The following CWC27 variants were observed in gnomAD, a reference collection of about 807,000 sequenced individuals.
The protein encoded by CWC27 is spliceosome-associated protein CWC27 homolog.
CWC27 carries 47 observed loss-of-function variants against 63.6 expected under a neutral mutation model. The observed-to-expected ratio is 0.74, with a 90% confidence interval of 0.58 to 0.94. The LOEUF is 0.94. Ranked by LOEUF, CWC27 falls within the 40% of genes least tolerant of loss-of-function variation. The pLI is 0.00. For missense variants in CWC27, 495 were observed against 554.3 expected (o/e 0.89, Z 1.07); for synonymous variants, 175 against 179.8 (o/e 0.97, Z 0.22).
intron 10 of CWC27, chr5:64,884,182 G>C (rs2112341585): frequency 6.6e-6 from 1 of 152,262 alleles, no homozygotes; most frequent in Non-Finnish European, 1.5e-5. Context: ...ATTAGGGCTA[G>C]AATGGGGCTG....
intron 10 of CWC27, among the ~76,000 whole-genome samples, chr5:64,849,662 G>A (rs189788552): frequency 7.1e-4 from 107 of 151,640 alleles, no homozygotes; most frequent in African/African-American, 2.4e-3. Flanking sequence ...CCCAAATCTC[G>A]TCTCAAATTG....
intron 10 of CWC27, among the ~76,000 whole-genome samples, chr5:64,840,389 AAAAAAAT>A (rs1745790076): frequency 2.2e-5 from 1 of 44,986 alleles, no homozygotes; most frequent in Non-Finnish European, 4.2e-5. Context: ...AAAAAAAAAA[AAAAAAAT>A]ATATATATAT....
intron 10 of CWC27, among the ~76,000 whole-genome samples, chr5:64,812,064 C>T (rs1744892814): frequency 6.6e-6 from 1 of 151,998 alleles, no homozygotes; most frequent in African/African-American, 2.4e-5. Context: ...TCTTACTGTA[C>T]TTTGTGTCTG....
chr5:64,852,144 T>G (rs990650196), intron 10 of CWC27, among the ~76,000 whole-genome samples: 5 of 152,168 alleles, frequency 3.3e-5, no homozygotes, highest in African/African-American at 1.2e-4. Flanking sequence ...GAGGGAAACA[T>G]AAGTAACTGG....
intron 10 of CWC27, among the ~76,000 whole-genome samples, chr5:64,833,045 A>G (rs1419787854): frequency 6.6e-6 from 1 of 151,854 alleles, no homozygotes; most frequent in African/African-American, 2.4e-5. Context: ...TGAACTTATA[A>G]TAGTATTACA....
At chr5:64,854,102 CT>C (rs1746199007) in intron 10 of CWC27, among the ~76,000 whole-genome samples, 1 of 152,154 alleles carries the variant, frequency 6.6e-6, no homozygotes, top group Non-Finnish European at 1.5e-5. Flanking sequence ...TTAGCGTAAT[CT>C]TCTCAAAGTT....
intron 11 of CWC27, among the ~76,000 whole-genome samples, chr5:64,928,568 C>T (rs973228633): frequency 6.7e-6 from 1 of 150,208 alleles, no homozygotes; most frequent in Non-Finnish European, 1.5e-5. Flanking sequence ...AAGCCAAGTG[C>T]ACAACAAAGT....
chr5:64,934,936 T>A (rs969975367), intron 11 of CWC27, among the ~76,000 whole-genome samples: 7 of 152,348 alleles, frequency 4.6e-5, no homozygotes, highest in East Asian at 3.9e-4. Flanking sequence ...CTTTTCCCAC[T>A]TTTTGATGAG....
At chr5:64,909,022 C>T (rs1023996114) in intron 11 of CWC27, among the ~76,000 whole-genome samples, 8 of 152,050 alleles carry the variant, frequency 5.3e-5, no homozygotes, top group East Asian at 1.9e-4. Flanking sequence ...TGGCTGGTAC[C>T]GGTTGTTCCT....
At chr5:64,916,780 T>G (rs1422904878) in intron 11 of CWC27, among the ~76,000 whole-genome samples, 1 of 152,182 alleles carries the variant, frequency 6.6e-6, no homozygotes, top group Non-Finnish European at 1.5e-5. Context: ...AGCCTCACTT[T>G]CTTCATCTGT....
intron 7 of CWC27, among the ~76,000 whole-genome samples, chr5:64,797,291 G>A (rs936124133): frequency 3.3e-5 from 5 of 152,058 alleles, no homozygotes; most frequent in African/African-American, 1.2e-4. Context: ...GAACCTTAAA[G>A]TAGGTCATTA....
intron 9 of CWC27, among the ~76,000 whole-genome samples, chr5:64,801,533 G>A (rs144308656): frequency 1.3e-5 from 2 of 152,128 alleles, no homozygotes; most frequent in East Asian, 1.9e-4. Flanking sequence ...GTGTGTGTGT[G>A]TGTATATCTC....
At chr5:64,984,770 G>A (rs1021116263) in intron 13 of CWC27, among the ~76,000 whole-genome samples, 2 of 151,900 alleles carry the variant, frequency 1.3e-5, no homozygotes, top group Non-Finnish European at 2.9e-5. Context: ...TATTTTTCAC[G>A]GAGTAAAAAT....
chr5:64,801,920 G>A (rs1744502907), intron 9 of CWC27, among the ~76,000 whole-genome samples: 1 of 152,076 alleles, frequency 6.6e-6, no homozygotes, highest in Admixed American at 6.6e-5. Flanking sequence ...TAATTTACTA[G>A]GAAGTACATA....
chr5:64,997,237 A>C (rs539093861), intron 13 of CWC27, among the ~76,000 whole-genome samples: 56 of 152,296 alleles, frequency 3.7e-4, no homozygotes, highest in African/African-American at 1.3e-3. Flanking sequence ...TTGAATCCCA[A>C]CTTGGAAACT....
intron 10 of CWC27, among the ~76,000 whole-genome samples, chr5:64,835,029 A>C (rs537236120): frequency 3.9e-5 from 6 of 151,924 alleles, no homozygotes; most frequent in Non-Finnish European, 7.4e-5. Context: ...ACATCTTTTA[A>C]AATCCAAATT....
chr5:64,969,883 A>G (rs777487931), intron 11 of CWC27, among the ~76,000 whole-genome samples: 2 of 152,132 alleles, frequency 1.3e-5, no homozygotes, highest in Non-Finnish European at 2.9e-5. Flanking sequence ...GGAATTAAGC[A>G]AGGAGAATTA....
chr5:64,918,072 A>G (rs934045428), intron 11 of CWC27, among the ~76,000 whole-genome samples: 1 of 152,182 alleles, frequency 6.6e-6, no homozygotes, highest in African/African-American at 2.4e-5. Flanking sequence ...GTTTTTTAGC[A>G]TCTGAGTTTC....
At chr5:64,769,737 TG>T (rs1252253819) in intron 1 of CWC27, among the ~76,000 whole-genome samples, 2 of 152,274 alleles carry the variant, frequency 1.3e-5, no homozygotes, top group Non-Finnish European at 2.9e-5. Flanking sequence ...TACTGAGTAG[TG>T]AACAACTGGG....
Sources: gnomAD v4.1 joint callset for allele counts (sites outside exome capture counted in the v4.1 genomes callset) on GRCh38, gnomAD v4.1.1 for gene constraint, MANE v1.5 for transcripts, NCBI Gene and HGNC (gene_info 2026-07-23, HGNC 2026-07-21) for gene names.